HIVEP2: variants seen among roughly 807,000 people sequenced by gnomAD.
HIVEP2 encodes the protein transcription factor HIVEP2.
In HIVEP2, 14 loss-of-function variants were observed where a neutral mutation model predicts 180.7. The ratio of observed to expected loss-of-function variants is 0.08; its 90% CI spans 0.05 to 0.12. HIVEP2 has a LOEUF of 0.12. Ranked by LOEUF, HIVEP2 falls within the 10% of genes least tolerant of loss-of-function variation. The probability of loss-of-function intolerance (pLI) is 1.00; values close to 1 mark genes in which losing one functional copy is unlikely to be tolerated. For missense variants in HIVEP2, 2,579 were observed against 3,008.5 expected, an observed-to-expected ratio of 0.86 and a Z score of 3.34; for synonymous variants, 1,184 against 1,136.4, an observed-to-expected ratio of 1.04 and a Z score of -0.84.
rs547039151 is a variant in HIVEP2, at chr6:142,852,942, G to C, written c.-640-15895C>G. Among the ~76,000 whole-genome samples, 5 of 152,300 alleles carry C rather than the reference G, an allele frequency of 3.3e-5. No homozygotes were observed. In the South Asian group the frequency reaches 8.3e-4, roughly 25 times the overall value. On this transcript the variant is annotated intron_variant, in intron 1 of 9. Transcript: ENST00000367603. Reference sequence around the variant, plus strand: ...ATATTTGTCATTTGATGTAGAAAGTGAGGTATTTTTGTGCTTATCTTTTAA... The same window carrying C: ...ATATTTGTCATTTGATGTAGAAAGTCAGGTATTTTTGTGCTTATCTTTTAA...
chr6:142,835,260 CAG>C, intron 2 of HIVEP2, among the ~76,000 whole-genome samples: 1 of 152,270 alleles, frequency 6.6e-6, no homozygotes, highest in African/African-American at 2.4e-5. Context: ...CTGACTCAAC[CAG>C]AGGAGTCCAG....
At chr6:142,759,681 C>T (rs1775170804) in intron 9 of HIVEP2, 91 bp downstream of exon 9, 6 of 981,740 alleles carry the variant, frequency 6.1e-6, no homozygotes, top group African/African-American at 1.6e-5. Flanking sequence ...TGACAGATAC[C>T]CATGTTCTAC....
At chr6:142,840,632 C>A (rs948477149) in intron 1 of HIVEP2, among the ~76,000 whole-genome samples, 6 of 152,072 alleles carry the variant, frequency 3.9e-5, no homozygotes, top group African/African-American at 1.4e-4. Context: ...TTTTTACTAG[C>A]CATATGATAT....
chr6:142,782,410 C>T (rs1485535222), intron 3 of HIVEP2, among the ~76,000 whole-genome samples: 1 of 151,946 alleles, frequency 6.6e-6, no homozygotes, highest in Non-Finnish European at 1.5e-5. Flanking sequence ...CATATATGCT[C>T]AGAGAGTATG....
chr6:142,770,434 C>T lies in HIVEP2; in HGVS notation c.4305G>A (p.Leu1435=), dbSNP rs747221658. ...LPSTSDSVAT[L]GGSKRMLSPA... is the part of the protein sequence containing the mutation. ...GAGAAAGCATTCGCTTGCTACCTCCCAGGGTGGCCACGCTGTCAGAGGTGG... is the reference window on the plus strand; with the variant it reads ...GAGAAAGCATTCGCTTGCTACCTCCTAGGGTGGCCACGCTGTCAGAGGTGG... Residue 1435 remains leucine (L), a synonymous_variant, in exon 5 of 10, where the codon CTG becomes CTA. Transcript: ENST00000367603. This position sits in a 1 kb window ranked among gnomAD's most constrained non-coding sequence, Gnocchi z 4.7. 1.9e-6 allele frequency: 3 copies of T among 1,614,146 alleles called. No individual in the cohort carries two copies. Among genetic ancestry groups the T allele is most frequent in the East Asian group, 2.2e-5 (1 of 44,866 alleles).
At chr6:142,843,829 A>T (rs963877708) in intron 1 of HIVEP2, among the ~76,000 whole-genome samples, 2 of 152,192 alleles carry the variant, frequency 1.3e-5, no homozygotes, top group Admixed American at 1.3e-4. Context: ...TGAGCCTGGG[A>T]GCACAAAATT....
intron 1 of HIVEP2, among the ~76,000 whole-genome samples, chr6:142,847,336 TTTC>T (rs1177333610): frequency 2.0e-5 from 3 of 152,204 alleles, no homozygotes; most frequent in Non-Finnish European, 4.4e-5. Flanking sequence ...AAAAACATCT[TTTC>T]TATTCGGTTT....
intron 9 of HIVEP2, among the ~76,000 whole-genome samples, chr6:142,755,894 C>T (rs1267524804): frequency 6.6e-6 from 1 of 152,184 alleles, no homozygotes; most frequent in African/African-American, 2.4e-5. Context: ...TCCTCTCATT[C>T]ACCCCTTCTT....
intron 1 of HIVEP2, among the ~76,000 whole-genome samples, chr6:142,941,625 C>A (rs901543460): frequency 6.6e-6 from 1 of 152,128 alleles, no homozygotes; most frequent in Non-Finnish European, 1.5e-5. Flanking sequence ...AAAGGATCTG[C>A]CTGTATGGTT....
intron 2 of HIVEP2, among the ~76,000 whole-genome samples, chr6:142,823,855 TC>T (rs1453317334): frequency 1.3e-5 from 2 of 152,302 alleles, no homozygotes; most frequent in East Asian, 3.9e-4. Context: ...TAATTCAATT[TC>T]AAAAAAATAT....
intron 2 of HIVEP2, among the ~76,000 whole-genome samples, chr6:142,812,988 T>C (rs1776736973): frequency 6.6e-6 from 1 of 152,162 alleles, no homozygotes; most frequent in Non-Finnish European, 1.5e-5. Context: ...TGTCTGAAAG[T>C]TAAATGCTAC....
At chr6:142,822,221 G>A (rs1777061260) in intron 2 of HIVEP2, among the ~76,000 whole-genome samples, 1 of 152,162 alleles carries the variant, frequency 6.6e-6, no homozygotes, top group South Asian at 2.1e-4. Flanking sequence ...TGACCTCCTT[G>A]GCAGTCTGAT....
intron 1 of HIVEP2, among the ~76,000 whole-genome samples, chr6:142,939,777 C>T (rs540945532): frequency 2.0e-5 from 3 of 152,114 alleles, no homozygotes; most frequent in African/African-American, 4.8e-5. Context: ...ATCTCTGTTG[C>T]TCATTCTGAC....
chr6:142,798,128 T>G (rs1049087813), intron 2 of HIVEP2, among the ~76,000 whole-genome samples: 1 of 151,994 alleles, frequency 6.6e-6, no homozygotes, highest in Non-Finnish European at 1.5e-5. Context: ...GCTACTACCA[T>G]GAGTGGAGAC....
chr6:142,884,418 C>A (rs991377871), intron 1 of HIVEP2, among the ~76,000 whole-genome samples: 1 of 151,780 alleles, frequency 6.6e-6, no homozygotes, highest in African/African-American at 2.4e-5. Flanking sequence ...TGATGTAATC[C>A]TATTACACTA....
At chr6:142,914,779 C>G (rs1386635153) in intron 1 of HIVEP2, among the ~76,000 whole-genome samples, 1 of 152,136 alleles carries the variant, frequency 6.6e-6, no homozygotes, top group Non-Finnish European at 1.5e-5. Flanking sequence ...CCAGCAAGAA[C>G]ATGGTTCTTT....
intron 1 of HIVEP2, among the ~76,000 whole-genome samples, chr6:142,934,094 T>C (rs1777998241): frequency 6.6e-6 from 1 of 152,234 alleles, no homozygotes; most frequent in African/African-American, 2.4e-5. Context: ...ATAAATTGCA[T>C]CAATATCAGT....
rs1314331896 is a variant in HIVEP2 at position 142,770,160 on chromosome 6, G to T, written c.4579C>A (p.Pro1527Thr). The T allele has an allele frequency of 6.8e-6, 11 of 1,614,240 alleles. No homozygotes were observed. In the South Asian group the frequency reaches 9.9e-5, roughly 14 times the overall value. ...TCCCTGGAAGACGGGCTAACAGAAG[G>T]ATAGTCTTGAGATGAGGAGGGCGAC... The part of the protein sequence containing the change: ...SLSPSSSQDY[P>T]SVSPSSREPF... Residue 1527 changes from proline (P) to threonine (T), a missense_variant, in exon 5 of 10, where the codon CCT (proline) becomes ACT (threonine). This residue lies in a region of HIVEP2 where 349 missense variants were observed against 367.2 expected (regional missense o/e 0.95). Coordinates refer to ENST00000367603, the MANE Select transcript of HIVEP2 (RefSeq NM_006734.4). The surrounding 1 kb of genome is among the most constrained non-coding windows in gnomAD (Gnocchi z 4.7).
At chr6:142,792,341 G>A (rs1227683653) in intron 2 of HIVEP2, among the ~76,000 whole-genome samples, 1 of 152,146 alleles carries the variant, frequency 6.6e-6, no homozygotes, top group African/African-American at 2.4e-5. Flanking sequence ...CAAGTAATAA[G>A]ATAATGGAAT....
Sources: allele counts gnomAD v4.1 joint callset (sites outside exome capture counted in the v4.1 genomes callset), GRCh38; gene constraint gnomAD v4.1.1; regional missense constraint gnomAD v4.1.1; non-coding constraint Gnocchi (gnomAD v3.1); transcripts MANE v1.5; gene names NCBI Gene and HGNC (gene_info 2026-07-23, HGNC 2026-07-21).